CAMKMT: variants seen among roughly 807,000 people sequenced by gnomAD.
CAMKMT encodes the protein CaM KMT.
In CAMKMT, 53 loss-of-function variants were observed where a neutral mutation model predicts 48.0. The ratio of observed to expected loss-of-function variants is 1.10; its 90% CI spans 0.89 to 1.39. CAMKMT has a LOEUF of 1.39. CAMKMT is among the 40% of genes most tolerant of loss of function. The pLI is 0.00. For synonymous variants in CAMKMT, 165 were observed against 152.3 expected, an observed-to-expected ratio of 1.08 and a Z score of -0.61; for missense variants, 428 against 402.7, an observed-to-expected ratio of 1.06 and a Z score of -0.54.
chr2:44,427,779 C>G (rs1176356800), intron 3 of CAMKMT, among the ~76,000 whole-genome samples: 2 of 152,070 alleles, frequency 1.3e-5, no homozygotes, highest in African/African-American at 4.8e-5. Flanking sequence ...ATTTGTGGCC[C>G]AAACCAGACC....
chr2:44,601,758 T>C (rs74983076), intron 3 of CAMKMT, among the ~76,000 whole-genome samples: 4,476 of 152,086 alleles, frequency 0.029, 111 homozygotes, highest in Middle Eastern at 0.041. Flanking sequence ...AACCAGAAGA[T>C]TTAAACTTAA....
At chr2:44,566,585 G>A (rs1451453472) in intron 3 of CAMKMT, among the ~76,000 whole-genome samples, 3 of 152,008 alleles carry the variant, frequency 2.0e-5, no homozygotes, top group African/African-American at 7.2e-5. Context: ...AGTTGATGGT[G>A]GAAGGATCAA....
intron 3 of CAMKMT, chr2:44,549,903 T>G (rs1230641677): frequency 6.6e-6 from 2 of 304,470 alleles, no homozygotes; most frequent in Non-Finnish European, 1.2e-5. Flanking sequence ...TATCCATCCT[T>G]CCGTCATTCA....
chr2:44,704,489 A>T (rs1677434810), intron 4 of CAMKMT, 146 bp downstream of exon 4: 1 of 574,664 alleles, frequency 1.7e-6, no homozygotes, highest in African/African-American at 1.9e-5. Context: ...AAACAGAAAG[A>T]GGGGAAAAAG....
At chr2:44,426,352 A>C (rs1244104691) in intron 3 of CAMKMT, among the ~76,000 whole-genome samples, 1 of 152,200 alleles carries the variant, frequency 6.6e-6, no homozygotes, top group Non-Finnish European at 1.5e-5. Flanking sequence ...ATCAGGCAAG[A>C]GAAAGAAAGA....
chr2:44,439,222 A>G (rs1209956227), intron 3 of CAMKMT, among the ~76,000 whole-genome samples: 2 of 152,256 alleles, frequency 1.3e-5, no homozygotes, highest in African/African-American at 4.8e-5. Flanking sequence ...TCTCATTGGG[A>G]CACAGTTTAT....
chr2:44,408,348 A>G (rs1000781808), intron 3 of CAMKMT, among the ~76,000 whole-genome samples: 2 of 152,064 alleles, frequency 1.3e-5, no homozygotes, highest in South Asian at 2.1e-4. Context: ...ATAGATTGCT[A>G]TAAAGAGTTA....
At chr2:44,418,434 T>C (rs1683716174) in intron 3 of CAMKMT, among the ~76,000 whole-genome samples, 1 of 151,464 alleles carries the variant, frequency 6.6e-6, no homozygotes, top group African/African-American at 2.5e-5. Flanking sequence ...TCTTTTGTTG[T>C]TGTTTTTGTT....
chr2:44,711,142 G>A (rs1054391876), intron 6 of CAMKMT, among the ~76,000 whole-genome samples: 3 of 152,158 alleles, frequency 2.0e-5, no homozygotes, highest in Admixed American at 6.5e-5. Context: ...GAAATCCCGG[G>A]CCATCTTCCT....
intron 3 of CAMKMT, among the ~76,000 whole-genome samples, chr2:44,529,128 T>C (rs541897382): frequency 2.0e-5 from 3 of 152,206 alleles, no homozygotes; most frequent in Non-Finnish European, 4.4e-5. Flanking sequence ...CTTTAACCGC[T>C]AGTTTTCAGA....
intron 3 of CAMKMT, among the ~76,000 whole-genome samples, chr2:44,398,395 T>G (rs1572757927): frequency 1.3e-5 from 2 of 152,160 alleles, no homozygotes; most frequent in African/African-American, 2.4e-5. Context: ...GGAGACTGAT[T>G]AAAGGTCAAG....
chr2:44,479,419 A>G (rs1476293041), intron 3 of CAMKMT, among the ~76,000 whole-genome samples: 1 of 152,200 alleles, frequency 6.6e-6, no homozygotes, highest in Non-Finnish European at 1.5e-5. Flanking sequence ...TTCCTATCTC[A>G]GATCACCTAG....
chr2:44,452,528 C>T (rs368499601), intron 3 of CAMKMT, among the ~76,000 whole-genome samples: 7 of 152,030 alleles, frequency 4.6e-5, no homozygotes, highest in African/African-American at 1.7e-4. Flanking sequence ...ATATTAAACA[C>T]ACAAAAAAAT....
intron 3 of CAMKMT, among the ~76,000 whole-genome samples, chr2:44,440,593 A>G: frequency 6.6e-6 from 1 of 152,112 alleles, no homozygotes; most frequent in South Asian, 2.1e-4. Flanking sequence ...AATTTAATAA[A>G]TTAAATCAAA....
chr2:44,743,342 G>A (rs1471963753), intron 7 of CAMKMT, among the ~76,000 whole-genome samples: 1 of 151,886 alleles, frequency 6.6e-6, no homozygotes, highest in East Asian at 1.9e-4. Flanking sequence ...TAATGACTAC[G>A]GTAAAGATAA....
intron 3 of CAMKMT, among the ~76,000 whole-genome samples, chr2:44,414,125 G>A (rs1302464189): frequency 6.6e-6 from 1 of 152,108 alleles, no homozygotes; most frequent in Non-Finnish European, 1.5e-5. Flanking sequence ...CAACTCTATT[G>A]TAGAGTAGTT....
chr2:44,645,118 G>T (rs1328146717), intron 3 of CAMKMT, among the ~76,000 whole-genome samples: 1 of 152,180 alleles, frequency 6.6e-6, no homozygotes, highest in Non-Finnish European at 1.5e-5. Context: ...GCTTAGTCCA[G>T]ATTTGATTTG....
chr2:44,582,392 A>G (rs142143437), intron 3 of CAMKMT, among the ~76,000 whole-genome samples: 64 of 152,344 alleles, frequency 4.2e-4, no homozygotes, highest in African/African-American at 1.3e-3. Flanking sequence ...AAATAGTAAA[A>G]TAGATGAAGC....
chr2:44,416,180 T>C (rs1393471988), intron 3 of CAMKMT, among the ~76,000 whole-genome samples: 4 of 152,158 alleles, frequency 2.6e-5, no homozygotes, highest in Admixed American at 6.5e-5. Context: ...ATGTTTTGGG[T>C]GCCATGTGTT....
Sources: allele counts gnomAD v4.1 joint callset (sites outside exome capture counted in the v4.1 genomes callset), GRCh38; gene constraint gnomAD v4.1.1; transcripts MANE v1.5; gene names NCBI Gene and HGNC (gene_info 2026-07-23, HGNC 2026-07-21).